Variants in COMMD1 observed in about 807,000 individuals in gnomAD.
The protein encoded by COMMD1 is copper metabolism domain containing 1, also known as COMM domain-containing protein 1.
Under a neutral mutation model 17.2 loss-of-function variants are expected in COMMD1, and 10 were observed. That is an observed-to-expected ratio of 0.58 (90% CI 0.36 to 0.99). The LOEUF is 0.99. Ranked by LOEUF, COMMD1 falls within the 50% of genes least tolerant of loss-of-function variation. COMMD1 has a pLI of 0.01. For missense variants in COMMD1, 270 were observed against 231.8 expected (o/e 1.17, Z -1.07); for synonymous variants, 97 against 91.6 (o/e 1.06, Z -0.34).
chr2:62,048,396 G>T (rs1397873919), intron 2 of COMMD1, among the ~76,000 whole-genome samples: 6 of 151,886 alleles, frequency 4.0e-5, no homozygotes, highest in African/African-American at 1.5e-4. Context: ...CACTGTGTTT[G>T]TCAGGATAGT....
intron 2 of COMMD1, among the ~76,000 whole-genome samples, chr2:62,070,874 A>C (rs1339270428): frequency 2.0e-5 from 3 of 152,224 alleles, no homozygotes; most frequent in African/African-American, 4.8e-5. Context: ...TACCAAAAAT[A>C]CAAAAAATTA....
At chr2:61,950,542 T>C (rs1415107973) in intron 1 of COMMD1, among the ~76,000 whole-genome samples, 1 of 152,176 alleles carries the variant, frequency 6.6e-6, no homozygotes, top group African/African-American at 2.4e-5. Context: ...TCAAAACCAT[T>C]GATAGTACTG....
intron 1 of COMMD1, among the ~76,000 whole-genome samples, chr2:61,956,024 A>G (rs756857025): frequency 6.6e-6 from 1 of 152,200 alleles, no homozygotes; most frequent in Non-Finnish European, 1.5e-5. Context: ...CTGTTTTTAC[A>G]TATAAAGCAC....
chr2:62,122,948 G>A (rs891864812), intron 2 of COMMD1, among the ~76,000 whole-genome samples: 4 of 152,208 alleles, frequency 2.6e-5, no homozygotes, highest in African/African-American at 7.2e-5. Context: ...AGGAGGGTAT[G>A]TGTGTGTATG....
At chr2:61,951,372 A>G (rs1294082040) in intron 1 of COMMD1, among the ~76,000 whole-genome samples, 2 of 151,962 alleles carry the variant, frequency 1.3e-5, no homozygotes, top group Non-Finnish European at 2.9e-5. Context: ...AGGTACGAGA[A>G]TCACTTGAAC....
intron 2 of COMMD1, among the ~76,000 whole-genome samples, chr2:62,128,021 C>CAA (rs56019037): frequency 1.9e-4 from 20 of 103,248 alleles, no homozygotes; most frequent in South Asian, 3.6e-4. Flanking sequence ...GACTCTATCT[C>CAA]AAAAAAAAAA....
chr2:62,096,062 A>T (rs1183573674), intron 2 of COMMD1, among the ~76,000 whole-genome samples: 1 of 151,878 alleles, frequency 6.6e-6, no homozygotes, highest in Non-Finnish European at 1.5e-5. Flanking sequence ...TTGTATCACA[A>T]TATATGGAAA....
intron 1 of COMMD1, among the ~76,000 whole-genome samples, chr2:61,991,145 T>C (rs1431562215): frequency 1.3e-5 from 2 of 152,306 alleles, no homozygotes; most frequent in East Asian, 3.9e-4. Context: ...AATTCTTTTT[T>C]TTCTTTAGTA....
At chr2:61,911,521 G>C (rs1669906822) in intron 1 of COMMD1, among the ~76,000 whole-genome samples, 1 of 152,156 alleles carries the variant, frequency 6.6e-6, no homozygotes. Context: ...ACGCAGGCTG[G>C]AGCGCAGTGG....
At chr2:62,007,893 C>G (rs1327401227) in intron 2 of COMMD1, among the ~76,000 whole-genome samples, 1 of 151,968 alleles carries the variant, frequency 6.6e-6, no homozygotes, top group East Asian at 1.9e-4. Flanking sequence ...ATTAATAATC[C>G]GTTTATGTCT....
intron 1 of COMMD1, among the ~76,000 whole-genome samples, chr2:61,993,722 A>G (rs991025719): frequency 1.5e-4 from 23 of 152,216 alleles, no homozygotes; most frequent in African/African-American, 1.9e-4. Flanking sequence ...ACCAAAATCA[A>G]TTTCTCATTT....
chr2:62,014,231 A>C (rs1230371923), intron 2 of COMMD1, among the ~76,000 whole-genome samples: 1 of 152,130 alleles, frequency 6.6e-6, no homozygotes, highest in East Asian at 1.9e-4. Flanking sequence ...GTCTGTTTCT[A>C]TTCTTGCAGA....
chr2:62,023,302 A>C (rs1005315297), intron 2 of COMMD1, among the ~76,000 whole-genome samples: 1 of 152,148 alleles, frequency 6.6e-6, no homozygotes, highest in Non-Finnish European at 1.5e-5. Flanking sequence ...GAAAATGGAA[A>C]ATGGAATAAG....
intron 2 of COMMD1, among the ~76,000 whole-genome samples, chr2:62,031,075 A>T (rs1321367416): frequency 6.6e-6 from 1 of 152,138 alleles, no homozygotes. Flanking sequence ...AACCTTTGAG[A>T]TTTTGTGAAA....
intron 2 of COMMD1, among the ~76,000 whole-genome samples, chr2:62,073,696 C>CTATT (rs773001806): frequency 5.3e-5 from 8 of 152,150 alleles, no homozygotes; most frequent in East Asian, 1.9e-4. Context: ...CAGAATAAAC[C>CTATT]TATTTATTTA....
chr2:62,112,023 A>G (rs1672468339), intron 2 of COMMD1, among the ~76,000 whole-genome samples: 1 of 152,228 alleles, frequency 6.6e-6, no homozygotes, highest in African/African-American at 2.4e-5. Flanking sequence ...GGTGAGGAAA[A>G]TACACAGATG....
intron 1 of COMMD1, among the ~76,000 whole-genome samples, chr2:61,955,773 C>A (rs1671182436): frequency 6.6e-6 from 1 of 152,162 alleles, no homozygotes; most frequent in South Asian, 2.1e-4. Flanking sequence ...GCAACCTCCG[C>A]CTCCTGGGTT....
chr2:62,115,844 CTTTCTTTCTTTCTTTCT>C (rs1189615526), intron 2 of COMMD1, among the ~76,000 whole-genome samples: 4 of 104,032 alleles, frequency 3.8e-5, no homozygotes, highest in Non-Finnish European at 5.9e-5. Flanking sequence ...TTCTTTCTTT[CTTTCTTTCTTTCTTTCT>C]TTTTTTTTTT....
At chr2:61,891,933 G>A (rs180933298) in intron 1 of COMMD1, among the ~76,000 whole-genome samples, 50 of 151,604 alleles carry the variant, frequency 3.3e-4, no homozygotes, top group African/African-American at 1.2e-3. Context: ...CCGGGTTCAC[G>A]CCATTCTCCT....
Sources: gnomAD v4.1 joint callset for allele counts (sites outside exome capture counted in the v4.1 genomes callset) on GRCh38, gnomAD v4.1.1 for gene constraint, MANE v1.5 for transcripts, NCBI Gene and HGNC (gene_info 2026-07-23, HGNC 2026-07-21) for gene names.